The following DLG2 variants were observed in gnomAD, a reference collection of about 807,000 sequenced individuals.
The protein encoded by DLG2 is disks large homolog 2.
In DLG2, 45 loss-of-function variants were observed where a neutral mutation model predicts 132.5. The ratio of observed to expected loss-of-function variants is 0.34; its 90% confidence interval spans 0.27 to 0.44. The LOEUF is 0.44. Among genes scored for constraint, DLG2 ranks in the 20% least tolerant of loss-of-function variants. The pLI is 1.00. For missense variants in DLG2, 1,045 were observed against 1,196.9 expected (o/e 0.87, Z 1.87); for synonymous variants, 424 against 419.6 (o/e 1.01, Z -0.13).
chr11:83,934,658 T>C (rs2081069594), intron 14 of DLG2, among the ~76,000 whole-genome samples: 1 of 152,212 alleles, frequency 6.6e-6, no homozygotes, highest in East Asian at 1.9e-4. Flanking sequence ...TTATTGAGTT[T>C]TCTAACTCCC....
chr11:85,021,391 G>T, intron 6 of DLG2: 1 of 1,354,368 alleles, frequency 7.4e-7, no homozygotes, highest in Non-Finnish European at 1.1e-6. Flanking sequence ...GTTCACTTTT[G>T]GCACTGGAGC....
At chr11:83,480,114 A>G (rs2092978723) in intron 22 of DLG2, among the ~76,000 whole-genome samples, 1 of 152,028 alleles carries the variant, frequency 6.6e-6, no homozygotes, top group South Asian at 2.1e-4. Flanking sequence ...GAATTGAATC[A>G]CTGAGTCACA....
intron 6 of DLG2, among the ~76,000 whole-genome samples, chr11:84,680,821 A>G (rs934786839): frequency 3.9e-5 from 6 of 152,206 alleles, no homozygotes; most frequent in African/African-American, 1.2e-4. Context: ...GTTGTCTTCT[A>G]GCAGTTTTAT....
At chr11:84,311,558 G>A (rs1485224196) in intron 7 of DLG2, among the ~76,000 whole-genome samples, 1 of 152,176 alleles carries the variant, frequency 6.6e-6, no homozygotes, top group Admixed American at 6.5e-5. Context: ...ATTAATAAGT[G>A]TCAGTTGACA....
intron 18 of DLG2, among the ~76,000 whole-genome samples, chr11:83,738,347 T>C (rs2092183511): frequency 6.6e-6 from 1 of 151,946 alleles, no homozygotes; most frequent in African/African-American, 2.4e-5. Context: ...TTTTTTTTTC[T>C]AGTTCTTATG....
At chr11:84,898,202 C>T (rs1266152637) in intron 6 of DLG2, among the ~76,000 whole-genome samples, 1 of 151,866 alleles carries the variant, frequency 6.6e-6, no homozygotes, top group Non-Finnish European at 1.5e-5. Context: ...TAGTTGAGCA[C>T]AGAGCTAGGT....
chr11:85,450,301 T>C (rs1469796610), intron 3 of DLG2, among the ~76,000 whole-genome samples: 1 of 152,196 alleles, frequency 6.6e-6, no homozygotes, highest in African/African-American at 2.4e-5. Context: ...ACATTTTTTT[T>C]CACCTCTACC....
At chr11:84,581,758 T>A (rs1187444367) in intron 6 of DLG2, among the ~76,000 whole-genome samples, 1 of 151,804 alleles carries the variant, frequency 6.6e-6, no homozygotes, top group African/African-American at 2.4e-5. Flanking sequence ...AATACAAAAA[T>A]TAGCCGGGCA....
intron 6 of DLG2, among the ~76,000 whole-genome samples, chr11:84,576,332 A>G (rs1414140267): frequency 1.3e-5 from 2 of 152,182 alleles, no homozygotes; most frequent in Non-Finnish European, 2.9e-5. Context: ...ATCTTTCTCT[A>G]TAAAGAATGA....
chr11:84,902,959 C>CT (rs66514657), intron 6 of DLG2, among the ~76,000 whole-genome samples: 70,812 of 151,832 alleles, frequency 0.47, 17,176 homozygotes, highest in South Asian at 0.62. Flanking sequence ...TTCTTTCTTC[C>CT]TTTCCCAAGT....
chr11:83,936,571 G>A lies in DLG2; in HGVS notation c.1341-6088C>T, dbSNP rs2081484593. Among the ~76,000 whole-genome samples, 3 of 152,128 alleles carry A rather than the reference G, an allele frequency of 2.0e-5. 1 individual carries two copies. The South Asian group carries it at 6.2e-4, about 31-fold the overall frequency. On this transcript the variant is annotated intron_variant, in intron 14 of 27. Transcript: ENST00000376104. ...AGGATTGGTTCACTATTTTTTCTAT[G>A]TAAACATCACTCTCAGTTATATTTT...
At chr11:84,300,358 GA>G (rs35853248) in intron 7 of DLG2, among the ~76,000 whole-genome samples, 2 of 150,448 alleles carry the variant, frequency 1.3e-5, no homozygotes, top group African/African-American at 2.4e-5. Context: ...ATATCAGGGT[GA>G]AAAAAAAAGA....
chr11:84,944,450 A>AT (rs1379086300), intron 6 of DLG2, among the ~76,000 whole-genome samples: 5 of 151,510 alleles, frequency 3.3e-5, no homozygotes, highest in African/African-American at 1.2e-4. Context: ...CTGGCCATAT[A>AT]TTTTCAAACT....
At chr11:85,059,750 G>T (rs1382498579) in intron 6 of DLG2, among the ~76,000 whole-genome samples, 1 of 151,582 alleles carries the variant, frequency 6.6e-6, no homozygotes, top group Non-Finnish European at 1.5e-5. Context: ...GGTTATTTTT[G>T]CAGTGTAACT....
chr11:84,212,045 A>G (rs546360358), intron 8 of DLG2, among the ~76,000 whole-genome samples: 154 of 152,306 alleles, frequency 1.0e-3, no homozygotes, highest in Non-Finnish European at 1.8e-3. Flanking sequence ...CATTTACACT[A>G]AGCACTGTTT....
intron 6 of DLG2, among the ~76,000 whole-genome samples, chr11:84,809,184 A>C (rs1029901794): frequency 3.3e-5 from 5 of 152,058 alleles, no homozygotes; most frequent in Non-Finnish European, 7.4e-5. Flanking sequence ...AAGAAGAGCA[A>C]CCACATATTC....
At chr11:85,110,113 G>A (rs1386607337) in intron 6 of DLG2, among the ~76,000 whole-genome samples, 1 of 152,080 alleles carries the variant, frequency 6.6e-6, no homozygotes, top group Admixed American at 6.6e-5. Context: ...GTAGGAATCA[G>A]TAGTTATGAA....
At chr11:85,246,862 T>C (rs774430893) in intron 4 of DLG2, among the ~76,000 whole-genome samples, 4 of 152,228 alleles carry the variant, frequency 2.6e-5, no homozygotes, top group Middle Eastern at 3.4e-3. Context: ...CTAACATAGT[T>C]ATCCAATCAG....
intron 21 of DLG2, among the ~76,000 whole-genome samples, chr11:83,519,739 C>A (rs747587206): frequency 2.6e-5 from 4 of 152,176 alleles, no homozygotes; most frequent in African/African-American, 9.7e-5. Context: ...CCTATTACTG[C>A]GAAGGGCATA....
Sources: gnomAD v4.1 joint callset for allele counts (sites outside exome capture counted in the v4.1 genomes callset) on GRCh38, gnomAD v4.1.1 for gene constraint, MANE v1.5 for transcripts, NCBI Gene and HGNC (gene_info 2026-07-23, HGNC 2026-07-21) for gene names.